The following ARL6 variants were observed in gnomAD, a reference collection of about 807,000 sequenced individuals.
ARL6 encodes the protein ADP-ribosylation factor-like protein 6.
A neutral mutation model predicts 27.1 loss-of-function variants in ARL6; 18 were observed. The ratio of observed to expected loss-of-function variants is 0.66; its 90% CI spans 0.46 to 0.98. The LOEUF is 0.98. ARL6 is among the 50% of genes least tolerant of loss of function. The pLI, the probability that ARL6 is intolerant of heterozygous loss-of-function variation, is 0.00. For synonymous variants in ARL6, 65 were observed against 72.3 expected, an observed-to-expected ratio of 0.90 and a Z score of 0.51; for missense variants, 187 against 214.9, an observed-to-expected ratio of 0.87 and a Z score of 0.81.
chr3:97,774,243 G>C (rs1373632154), intron 2 of ARL6, among the ~76,000 whole-genome samples: 1 of 152,136 alleles, frequency 6.6e-6, no homozygotes, highest in Admixed American at 6.5e-5. Flanking sequence ...TGAGTGTAGT[G>C]CACCACCTCA....
chr3:97,767,951 A>G (rs947727447), intron 1 of ARL6, 130 bp from the exon 2 acceptor site: 15 of 815,712 alleles, frequency 1.8e-5, no homozygotes, highest in African/African-American at 5.2e-5. Context: ...CTAAGTGCAA[A>G]GCTACATTGA....
At chr3:97,789,198 C>T (rs2037605954) in intron 6 of ARL6, among the ~76,000 whole-genome samples, 1 of 152,092 alleles carries the variant, frequency 6.6e-6, no homozygotes, top group East Asian at 1.9e-4. Context: ...GTAAAACCTT[C>T]CTTACTCTAG....
chr3:97,793,572 CCTT>C (rs1559693234), intron 7 of ARL6, among the ~76,000 whole-genome samples: 4 of 151,872 alleles, frequency 2.6e-5, no homozygotes, highest in African/African-American at 9.7e-5. Context: ...GTTCTCCATC[CCTT>C]CTTTTCTGGT....
chr3:97,798,106 A>G lies in ARL6; in HGVS notation c.*57A>G, dbSNP rs2038090346. ...CAATTCAAGGAATCTATCTAAGACAAATAGAATACATTTTGTAAAAGATGT... is the reference window on the plus strand; with the variant it reads ...CAATTCAAGGAATCTATCTAAGACAGATAGAATACATTTTGTAAAAGATGT... On this transcript the variant is annotated 3_prime_UTR_variant, in exon 8 of 8. Transcript: ENST00000463745. 6.6e-7 allele frequency: 1 copy of G among 1,525,790 alleles called. No individual in the cohort carries two copies. The highest frequency in any genetic ancestry group is 1.4e-5 in the African/African-American group (1 of 72,860). 94.5% of individuals were successfully genotyped at this position (1,525,790 alleles called of 1,614,324 possible). A position where few individuals can be genotyped will look rare whatever the true frequency, so the allele number is the denominator to read the frequency against.
At position 97,791,356 on chromosome 3, in the gene ARL6, C is replaced by T. The variant is rs555024581; in HGVS notation, c.480-415C>T. 2.5e-5 allele frequency: 4 copies of T among 161,026 alleles called. No individual in the cohort carries two copies. The South Asian group carries it at 6.9e-4, about 28-fold the overall frequency. The allele number at this position is 161,026 out of a possible 1,614,324, so 10.0% of individuals were successfully genotyped here. A position where few individuals can be genotyped will look rare whatever the true frequency, so the allele number is the denominator to read the frequency against. On this transcript the variant is annotated intron_variant, in intron 6 of 7. Coordinates refer to ENST00000463745, the MANE Select transcript of ARL6 (RefSeq NM_001278293.3). The stretch of plus-strand genomic sequence containing the variant: ...TTATGGGTTTTTATCCTAAAGATAT[C>T]AAATTCCATTTCAAACAAAGGCACA...
intron 5 of ARL6, among the ~76,000 whole-genome samples, chr3:97,786,755 CAGTA>C (rs2037477600): frequency 6.6e-6 from 1 of 152,062 alleles, no homozygotes; most frequent in Admixed American, 6.6e-5. Flanking sequence ...TTCTAAAAAT[CAGTA>C]AGAATATAAA....
intron 2 of ARL6, among the ~76,000 whole-genome samples, chr3:97,774,603 G>C (rs918362093): frequency 6.6e-6 from 1 of 151,994 alleles, no homozygotes; most frequent in Non-Finnish European, 1.5e-5. Flanking sequence ...GCTTCATCAG[G>C]GTCCTCCCAC....
intron 7 of ARL6, among the ~76,000 whole-genome samples, chr3:97,793,155 A>G (rs951657251): frequency 6.6e-6 from 1 of 152,190 alleles, no homozygotes; most frequent in African/African-American, 2.4e-5. Flanking sequence ...TGGACAGACT[A>G]TTGTACTTCT....
intron 7 of ARL6, among the ~76,000 whole-genome samples, chr3:97,796,780 A>G (rs2038024109): frequency 6.6e-6 from 1 of 152,188 alleles, no homozygotes; most frequent in African/African-American, 2.4e-5. Flanking sequence ...ATCAACAGCA[A>G]CAACTTGGAA....
intron 2 of ARL6, among the ~76,000 whole-genome samples, chr3:97,771,766 AG>A (rs2036647611): frequency 6.6e-6 from 1 of 152,086 alleles, no homozygotes; most frequent in Admixed American, 6.6e-5. Context: ...TTTTATCAAA[AG>A]TTTTTTCAAC....
At chr3:97,793,295 A>G (rs939312992) in intron 7 of ARL6, 1 of 152,180 alleles carries the variant, frequency 6.6e-6, no homozygotes. Context: ...TTTTCTGTGA[A>G]CCCAGCAACT....
chr3:97,774,858 G>C (rs559082694), intron 2 of ARL6, among the ~76,000 whole-genome samples: 1 of 152,260 alleles, frequency 6.6e-6, no homozygotes, highest in South Asian at 2.1e-4. Context: ...CAATCCCTGA[G>C]TTCATAATTT....
intron 1 of ARL6, among the ~76,000 whole-genome samples, chr3:97,765,369 A>G (rs78237357): frequency 6.6e-6 from 1 of 152,300 alleles, no homozygotes; most frequent in Non-Finnish European, 1.5e-5. Context: ...ACTAAGTATC[A>G]TTCGTGGTGT....
intron 2 of ARL6, among the ~76,000 whole-genome samples, chr3:97,772,872 G>C (rs990103906): frequency 6.6e-6 from 1 of 151,910 alleles, no homozygotes; most frequent in Admixed American, 6.6e-5. Flanking sequence ...TGCCCACCTC[G>C]GCCTCCCAAA....
chr3:97,768,281 T>C (rs1397499105), intron 2 of ARL6, 51 bp downstream of exon 2: 1 of 1,580,836 alleles, frequency 6.3e-7, no homozygotes, highest in Non-Finnish European at 8.7e-7. Flanking sequence ...TAAAGAAAAT[T>C]AATGTGCAGA....
intron 6 of ARL6, 48 bp from the exon 7 acceptor site, chr3:97,791,723 T>C (rs1440899614): frequency 6.5e-7 from 1 of 1,546,930 alleles, no homozygotes; most frequent in Middle Eastern, 1.7e-4. Context: ...ATTCTTATAG[T>C]TTTGTGATGT....
chr3:97,800,425 G>T lies in ARL6; in HGVS notation c.*2376G>T, dbSNP rs1410071059. 2 of 152,046 alleles carry T rather than the reference G, an allele frequency of 1.3e-5. No individual in the cohort carries two copies. Among genetic ancestry groups the T allele is most frequent in the Non-Finnish European group, 2.9e-5 (2 of 67,998 alleles). 9.4% of individuals were successfully genotyped at this position (152,046 alleles called of 1,614,324 possible). A position where few individuals can be genotyped will look rare whatever the true frequency, so the allele number is the denominator to read the frequency against. ...TGTGTTACAGAGTTTAATTCATTAA[G>T]CTCTGTATTTGAATATAACACCTTG... is the stretch of plus-strand genomic sequence containing the variant. On this transcript the variant is annotated 3_prime_UTR_variant, in exon 8 of 8. Transcript: ENST00000463745.
At chr3:97,783,591 A>G (rs1474052487) in intron 4 of ARL6, among the ~76,000 whole-genome samples, 5 of 151,858 alleles carry the variant, frequency 3.3e-5, no homozygotes, top group Non-Finnish European at 5.9e-5. Flanking sequence ...GTTTTTATAG[A>G]TCTTGATAGG....
chr3:97,788,614 T>C (rs9878979), intron 6 of ARL6, among the ~76,000 whole-genome samples: 126,709 of 152,038 alleles, frequency 0.83, 53,379 homozygotes, highest in African/African-American at 0.96. Flanking sequence ...ACTTTAATAA[T>C]CCCTACAATA....
Sources: gnomAD v4.1 joint callset for allele counts (sites outside exome capture counted in the v4.1 genomes callset) on GRCh38, gnomAD v4.1.1 for gene constraint, MANE v1.5 for transcripts, NCBI Gene and HGNC (gene_info 2026-07-23, HGNC 2026-07-21) for gene names.